Variants in INTS9 observed in about 807,000 individuals in gnomAD.
INTS9 encodes protein related to CPSF subunits of 74 kDa.
In INTS9, 55 loss-of-function variants were observed where a neutral mutation model predicts 79.7. The observed-to-expected ratio is 0.69, with a 90% CI of 0.56 to 0.86. INTS9 has a LOEUF of 0.86. Among genes scored for constraint, INTS9 ranks in the 40% least tolerant of loss-of-function variants. The pLI is 0.00. For missense variants in INTS9, 721 were observed against 831.5 expected (o/e 0.87, Z 1.64); for synonymous variants, 319 against 325.2 (o/e 0.98, Z 0.20).
At chr8:28,772,645 A>C (rs1017954559) in intron 14 of INTS9, among the ~76,000 whole-genome samples, 2 of 152,118 alleles carry the variant, frequency 1.3e-5, no homozygotes, top group Non-Finnish European at 2.9e-5. Context: ...GTCTCTACTA[A>C]AAATACAATA....
At chr8:28,868,060 C>T (rs1220255023) in intron 1 of INTS9, among the ~76,000 whole-genome samples, 1 of 152,178 alleles carries the variant, frequency 6.6e-6, no homozygotes, top group African/African-American at 2.4e-5. Flanking sequence ...CACCGTGTTA[C>T]ACAGTATGAA....
chr8:28,857,725 A>T (rs2131285735), intron 2 of INTS9, among the ~76,000 whole-genome samples: 1 of 152,336 alleles, frequency 6.6e-6, no homozygotes, highest in East Asian at 1.9e-4. Flanking sequence ...TGCCAAGAAT[A>T]GTTCTAGGCA....
intron 4 of INTS9, among the ~76,000 whole-genome samples, chr8:28,845,983 C>A (rs1807486404): frequency 6.6e-6 from 1 of 152,154 alleles, no homozygotes; most frequent in Non-Finnish European, 1.5e-5. Flanking sequence ...AAACTGCACT[C>A]CAAATTCTTT....
intron 10 of INTS9, among the ~76,000 whole-genome samples, chr8:28,793,213 G>A (rs1239891166): frequency 6.6e-6 from 1 of 152,112 alleles, no homozygotes; most frequent in African/African-American, 2.4e-5. Flanking sequence ...CCATTCTAAG[G>A]CACCACTGGG....
At chr8:28,811,419 C>A (rs905918494) in intron 8 of INTS9, among the ~76,000 whole-genome samples, 1 of 146,220 alleles carries the variant, frequency 6.8e-6, no homozygotes, top group African/African-American at 2.6e-5. Flanking sequence ...CCACCATACC[C>A]GGCCTTTTTT....
chr8:28,779,344 C>T (rs931960173), intron 12 of INTS9, among the ~76,000 whole-genome samples: 2 of 152,164 alleles, frequency 1.3e-5, no homozygotes, highest in African/African-American at 4.8e-5. Context: ...GCACTTTCTG[C>T]CTGGCCTGGT....
chr8:28,887,317 A>G (rs1810223813), intron 1 of INTS9, among the ~76,000 whole-genome samples: 3 of 152,230 alleles, frequency 2.0e-5, no homozygotes, highest in Admixed American at 2.0e-4. Context: ...GATGCAGAGG[A>G]AAGAATGAAT....
intron 12 of INTS9, 49 bp downstream of exon 12, chr8:28,780,774 A>G (rs1356614788): frequency 1.3e-6 from 2 of 1,599,636 alleles, no homozygotes; most frequent in Non-Finnish European, 1.7e-6. Context: ...GCATTCACTC[A>G]TGGCCTCAGT....
At chr8:28,886,931 C>T (rs1810200847) in intron 1 of INTS9, among the ~76,000 whole-genome samples, 1 of 152,154 alleles carries the variant, frequency 6.6e-6, no homozygotes, top group South Asian at 2.1e-4. Flanking sequence ...ATGGTTACTG[C>T]TTATTGTAAT....
chr8:28,889,889 C>T lies in INTS9; in HGVS notation c.-7G>A. ...GAAGACTCACCAGTTTCATAATGGACTTTTGGTGGTTCAATAGCAGTCACT... is the reference window on the plus strand; with the variant it reads ...GAAGACTCACCAGTTTCATAATGGATTTTTGGTGGTTCAATAGCAGTCACT... On this transcript the variant is annotated 5_prime_UTR_variant, in exon 1 of 17. Transcript: ENST00000521022. The T allele has an allele frequency of 6.2e-7, 1 of 1,613,554 alleles. No individual in the cohort carries two copies. The highest frequency in any genetic ancestry group is 8.5e-7 in the Non-Finnish European group (1 of 1,179,582).
chr8:28,870,645 C>G (rs1809038139), intron 1 of INTS9, among the ~76,000 whole-genome samples: 2 of 152,082 alleles, frequency 1.3e-5, no homozygotes, highest in Non-Finnish European at 2.9e-5. Flanking sequence ...TGCAATGGTT[C>G]AAGTTTCAAG....
chr8:28,880,441 G>T (rs1178205013), intron 1 of INTS9, among the ~76,000 whole-genome samples: 5 of 151,738 alleles, frequency 3.3e-5, no homozygotes, highest in Admixed American at 3.3e-4. Flanking sequence ...GTTTTTTTTT[G>T]GTGGAGACGG....
At chr8:28,830,048 T>C (rs1370273632) in intron 6 of INTS9, among the ~76,000 whole-genome samples, 1 of 107,424 alleles carries the variant, frequency 9.3e-6, no homozygotes, top group Admixed American at 1.1e-4. Flanking sequence ...AGCACAAGAA[T>C]GAAGAAAAAA....
At chr8:28,867,194 G>A (rs1039181867) in intron 1 of INTS9, among the ~76,000 whole-genome samples, 7 of 152,120 alleles carry the variant, frequency 4.6e-5, no homozygotes, top group African/African-American at 1.7e-4. Flanking sequence ...AGGCCAAGGC[G>A]GGTGGATCAC....
intron 1 of INTS9, among the ~76,000 whole-genome samples, chr8:28,879,410 A>AT (rs1430073058): frequency 2.0e-5 from 3 of 152,222 alleles, no homozygotes; most frequent in Non-Finnish European, 2.9e-5. Context: ...ATAGAAGGGA[A>AT]TATCATCAGC....
chr8:28,885,591 C>T (rs1238142017), intron 1 of INTS9, among the ~76,000 whole-genome samples: 1 of 152,238 alleles, frequency 6.6e-6, no homozygotes, highest in Non-Finnish European at 1.5e-5. Flanking sequence ...GTAGGAAGTA[C>T]AACACACAGG....
intron 6 of INTS9, among the ~76,000 whole-genome samples, chr8:28,823,645 G>A (rs1204512873): frequency 6.6e-6 from 1 of 152,140 alleles, no homozygotes; most frequent in Admixed American, 6.6e-5. Context: ...ACCCTAAGAG[G>A]GTAGAGGAGA....
chr8:28,871,161 C>T (rs536647795), intron 1 of INTS9, among the ~76,000 whole-genome samples: 66 of 152,170 alleles, frequency 4.3e-4, no homozygotes, highest in African/African-American at 1.5e-3. Context: ...AAAGAGCTTC[C>T]GTTTGTCTCT....
At position 28,835,351 on chromosome 8, in the gene INTS9, G is replaced by A. The variant is rs1806747295; in HGVS notation, c.429C>T (p.Phe143=). The A allele has an allele frequency of 6.2e-7, 1 of 1,613,548 alleles. No individual in the cohort carries two copies. The highest frequency in any genetic ancestry group is 1.7e-5 in the Admixed American group (1 of 59,990). The change falls in exon 6 of 17, where the codon TTC becomes TTT. Residue 143 remains phenylalanine (F), a synonymous_variant. Transcript: ENST00000521022. ...GRLLMEELVN[F]IERVPKAQSA... ...ACTGAGCCTTTGGCACTCTTTCAATGAAATTCACCAGCTCTTCCATGAGAA... is the reference window on the plus strand; with the variant it reads ...ACTGAGCCTTTGGCACTCTTTCAATAAAATTCACCAGCTCTTCCATGAGAA...
Sources: gnomAD v4.1 joint callset for allele counts (sites outside exome capture counted in the v4.1 genomes callset) on GRCh38, gnomAD v4.1.1 for gene constraint, MANE v1.5 for transcripts, NCBI Gene and HGNC (gene_info 2026-07-23, HGNC 2026-07-21) for gene names.